Variants in PPFIA4 observed in about 807,000 individuals in gnomAD.
PPFIA4 encodes the protein PPFI scaffold protein A4, also known as liprin-alpha-4.
In PPFIA4, 98 loss-of-function variants were observed where a neutral mutation model predicts 145.7. That is an observed-to-expected ratio of 0.67 (90% CI 0.57 to 0.80). The LOEUF (loss-of-function observed/expected upper bound fraction) is 0.80, where lower values mean the gene tolerates loss of function less well. Ranked by LOEUF, PPFIA4 falls within the 30% of genes least tolerant of loss-of-function variation. The pLI is 0.00. For missense variants in PPFIA4, 1,457 were observed against 1,632.7 expected, an observed-to-expected ratio of 0.89 and a Z score of 1.85; for synonymous variants, 628 against 649.6, an observed-to-expected ratio of 0.97 and a Z score of 0.51.
In PPFIA4 at chr1:203,047,255, C is replaced by T. The variant is rs559570832; in HGVS notation, c.1140+873C>T. On this transcript the variant is annotated intron_variant, in intron 9 of 29. Coordinates refer to ENST00000295706, the MANE Select transcript of PPFIA4 (RefSeq NM_001304331.2). ...CTGCTTCTGCCACTGACTGTCTCTG[C>T]GACCTGGGAAAAGTCATCCCCTCCC... is the stretch of plus-strand genomic sequence containing the variant. Among the ~76,000 whole-genome samples the T allele has an allele frequency of 1.6e-4, 25 of 152,232 alleles. No individual in the cohort carries two copies. In the South Asian group the frequency reaches 2.5e-3, roughly 15 times the overall value.
At chr1:203,073,179 A>C (rs1239812762) in intron 28 of PPFIA4, among the ~76,000 whole-genome samples, 1 of 152,254 alleles carries the variant, frequency 6.6e-6, no homozygotes, top group East Asian at 1.9e-4. Context: ...AATGATCACC[A>C]CATGAGATAG....
In PPFIA4 at chr1:203,051,849, A is replaced by T; in HGVS notation, c.1592A>T (p.Tyr531Phe). 1 of 1,613,604 alleles carries T rather than the reference A, an allele frequency of 6.2e-7. No individual in the cohort carries two copies. The highest frequency in any genetic ancestry group is 8.5e-7 in the Non-Finnish European group (1 of 1,179,732). Residue 531 changes from tyrosine (Y) to phenylalanine (F), a missense_variant, in exon 14 of 30, where the codon TAC (tyrosine) becomes TTC (phenylalanine). Coordinates refer to ENST00000295706, the MANE Select transcript of PPFIA4 (RefSeq NM_001304331.2). ...THAPPGVHRR[Y>F]SALREESAKD... is the part of the protein sequence containing the mutation. ...GCACCCCCAGGCGTGCATCGCCGCT[A>T]CTCGGCATTGAGGGAAGAGTCTGCC...
intron 1 of PPFIA4, among the ~76,000 whole-genome samples, chr1:203,033,905 C>G (rs12403938): frequency 0.01 from 1,538 of 152,274 alleles, 58 homozygotes; most frequent in Admixed American, 0.069. Flanking sequence ...ATCACTTGAA[C>G]CCGGGAGGTG....
In PPFIA4 at chr1:203,060,554, G is replaced by A. The variant is rs560873309; in HGVS notation, c.2784+137G>A. On this transcript the variant is annotated intron_variant, in intron 22 of 29. Coordinates refer to ENST00000295706, the MANE Select transcript of PPFIA4 (RefSeq NM_001304331.2). This position sits in a 1 kb window ranked among gnomAD's most constrained non-coding sequence, Gnocchi z 4.8. ...CCCATCCTCACAAAGGGCTCTCCCTGGTCTTCAGGAGGATATGATGTTGAT... is the reference window on the plus strand; with the variant it reads ...CCCATCCTCACAAAGGGCTCTCCCTAGTCTTCAGGAGGATATGATGTTGAT... 6 of 905,798 alleles carry A rather than the reference G, an allele frequency of 6.6e-6. No individual in the cohort carries two copies. The African/African-American group carries it at 8.2e-5, about 12-fold the overall frequency. The allele number at this position is 905,798 out of a possible 1,614,324, so 56.1% of individuals were successfully genotyped here.
At position 203,053,784 on chromosome 1, in the gene PPFIA4, T is replaced by C; in HGVS notation, c.1652T>C (p.Leu551Pro). The change falls in exon 15 of 30, where the codon CTG becomes CCG. Residue 551 changes from leucine to proline, a missense_variant. Physicochemically the swap from Leu to Pro is moderately conservative, Grantham distance 98. Coordinates refer to ENST00000295706, the MANE Select transcript of PPFIA4 (RefSeq NM_001304331.2). Reference protein sequence around the residue: ...DWETSPLPGMLAPAAGPAFDS... With the variant: ...DWETSPLPGMPAPAAGPAFDS... Reference sequence around the variant, plus strand: ...GAGACTTCTCCACTGCCTGGGATGCTGGCCCCGGCAGCTGGCCCTGCCTTT... The same window carrying C: ...GAGACTTCTCCACTGCCTGGGATGCCGGCCCCGGCAGCTGGCCCTGCCTTT... The C allele has an allele frequency of 6.4e-7, 1 of 1,551,864 alleles. No homozygotes were observed.
intron 19 of PPFIA4, among the ~76,000 whole-genome samples, chr1:203,058,401 C>T (rs1005303130): frequency 3.3e-5 from 5 of 152,128 alleles, no homozygotes; most frequent in Non-Finnish European, 7.4e-5. Flanking sequence ...TTCCCCAGTC[C>T]ACAGGGGTGA....
chr1:203,069,983 A>G (rs1379983873), intron 27 of PPFIA4, among the ~76,000 whole-genome samples: 1 of 152,076 alleles, frequency 6.6e-6, no homozygotes, highest in Non-Finnish European at 1.5e-5. Flanking sequence ...TGTCATTTGG[A>G]TACTTGAAAT....
chr1:203,032,090 T>A (rs1658880576), intron 1 of PPFIA4, among the ~76,000 whole-genome samples: 2 of 134,738 alleles, frequency 1.5e-5, no homozygotes, highest in African/African-American at 5.4e-5. Context: ...GGGGCTTCTG[T>A]AGACAATATT....
chr1:203,069,802 G>A (rs1363373774), intron 27 of PPFIA4, among the ~76,000 whole-genome samples: 1 of 121,764 alleles, frequency 8.2e-6, no homozygotes, highest in Non-Finnish European at 1.6e-5. Context: ...AGATAGGACA[G>A]ATCCCTTCAT....
Position 203,068,637 on chromosome 1 carries a change from C to A in PPFIA4, c.3324+9C>A. ...CCACACAGAACACCCAGGTGGGCAGCCTTTTAATCAGTCAACTTGAGTCTC... is the reference window on the plus strand; with the variant it reads ...CCACACAGAACACCCAGGTGGGCAGACTTTTAATCAGTCAACTTGAGTCTC... On this transcript the variant is annotated intron_variant, in intron 27 of 29. Transcript: ENST00000295706. The surrounding 1 kb of genome is among the most constrained non-coding windows in gnomAD (Gnocchi z 4.7). 1 of 1,493,988 alleles carries A rather than the reference C, an allele frequency of 6.7e-7. No homozygotes were observed. The highest frequency in any genetic ancestry group is 8.9e-7 in the Non-Finnish European group (1 of 1,124,562). The allele number at this position is 1,493,988 out of a possible 1,614,324, so 92.5% of individuals were successfully genotyped here. A position where few individuals can be genotyped will look rare whatever the true frequency, so the allele number is the denominator to read the frequency against.
intron 1 of PPFIA4, among the ~76,000 whole-genome samples, chr1:203,033,505 T>C (rs1338374934): frequency 2.6e-5 from 4 of 152,218 alleles, no homozygotes; most frequent in Non-Finnish European, 5.9e-5. Context: ...TTGTGTAGGC[T>C]GACTCTAGAC....
chr1:203,052,347 C>T (rs1660594195), intron 14 of PPFIA4, among the ~76,000 whole-genome samples: 1 of 152,026 alleles, frequency 6.6e-6, no homozygotes, highest in African/African-American at 2.4e-5. Context: ...TCTGAGTCTG[C>T]CTAGGGAGAT....
chr1:203,042,937 C>G (rs900375219), intron 2 of PPFIA4, among the ~76,000 whole-genome samples: 1 of 152,232 alleles, frequency 6.6e-6, no homozygotes, highest in Non-Finnish European at 1.5e-5. Flanking sequence ...CTGTGCTGGG[C>G]CTTCTCTTCC....
intron 2 of PPFIA4, among the ~76,000 whole-genome samples, chr1:203,040,885 T>A (rs1279617268): frequency 6.6e-6 from 1 of 152,218 alleles, no homozygotes; most frequent in Non-Finnish European, 1.5e-5. Flanking sequence ...CTTCCCACAC[T>A]GAAGCTTCAT....
chr1:203,032,467 C>T (rs1377979478), intron 1 of PPFIA4, among the ~76,000 whole-genome samples: 1 of 140,338 alleles, frequency 7.1e-6, no homozygotes, highest in Non-Finnish European at 1.5e-5. Context: ...GGGTCTTGCT[C>T]TGTTACCCAG....
At position 203,048,468 on chromosome 1, in the gene PPFIA4, T is replaced by G. The variant is rs575477143; in HGVS notation, c.1225-115T>G. The G allele has an allele frequency of 9.4e-6, 14 of 1,493,686 alleles. No homozygotes were observed. The African/African-American group carries it at 1.5e-4, about 16-fold the overall frequency. 92.5% of individuals were successfully genotyped at this position (1,493,686 alleles called of 1,614,324 possible). On this transcript the variant is annotated intron_variant, in intron 10 of 29. Transcript: ENST00000295706. This position sits in a 1 kb window ranked among gnomAD's most constrained non-coding sequence, Gnocchi z 5.8. ...GTGAAGGGGGAGGTGGTCAGGAGAC[T>G]GGAGAGAGTGGCTCCCAGAGGATGA...
Position 203,056,948 on chromosome 1 carries a change from A to AT in PPFIA4, c.2406dup (p.Val803CysfsTer37), listed in dbSNP as rs1661010142. 1 of 1,614,042 alleles carries AT rather than the reference A, an allele frequency of 6.2e-7. No individual in the cohort carries two copies. Among genetic ancestry groups the AT allele is most frequent in the Non-Finnish European group, 8.5e-7 (1 of 1,179,888 alleles). ...CTGAGTCGGGATGGAGCCACAGGCC[A>AT]TGGTCTCTGTCCCCTTCCTAACGGA... is the stretch of plus-strand genomic sequence containing the variant. On this transcript the variant is annotated frameshift_variant and splice_region_variant, in exon 19 of 30. Coordinates refer to ENST00000295706, the MANE Select transcript of PPFIA4 (RefSeq NM_001304331.2). LOFTEE classifies it high-confidence loss of function.
At chr1:203,064,593 C>A (rs1010362750) in intron 25 of PPFIA4, among the ~76,000 whole-genome samples, 7 of 152,222 alleles carry the variant, frequency 4.6e-5, no homozygotes, top group Non-Finnish European at 7.3e-5. Flanking sequence ...GAATTTGGCC[C>A]ACAGACTTGT....
intron 27 of PPFIA4, among the ~76,000 whole-genome samples, chr1:203,070,323 G>A (rs1662058466): frequency 6.6e-6 from 1 of 152,138 alleles, no homozygotes; most frequent in African/African-American, 2.4e-5. Context: ...GCTCAGGCCT[G>A]TATGCTCAGC....
Sources: allele counts gnomAD v4.1 joint callset (sites outside exome capture counted in the v4.1 genomes callset), GRCh38; gene constraint gnomAD v4.1.1; non-coding constraint Gnocchi (gnomAD v3.1); transcripts MANE v1.5; gene names NCBI Gene and HGNC (gene_info 2026-07-23, HGNC 2026-07-21).